MAN1A1: variants seen among roughly 807,000 people sequenced by gnomAD.
MAN1A1 encodes mannosyl-oligosaccharide 1,2-alpha-mannosidase IA.
A neutral mutation model predicts 70.8 loss-of-function variants in MAN1A1; 29 were observed. The observed-to-expected ratio is 0.41, with a 90% CI of 0.31 to 0.56. The LOEUF (loss-of-function observed/expected upper bound fraction) is 0.56, where lower values mean the gene tolerates loss of function less well. MAN1A1 is among the 20% of genes least tolerant of loss of function. The pLI is 0.29. For missense variants in MAN1A1, 747 were observed against 841.3 expected, an observed-to-expected ratio of 0.89 and a Z score of 1.39; for synonymous variants, 349 against 330.1, an observed-to-expected ratio of 1.06 and a Z score of -0.62.
intron 2 of MAN1A1, among the ~76,000 whole-genome samples, chr6:119,326,099 C>T (rs948677615): frequency 6.6e-6 from 1 of 152,190 alleles, no homozygotes; most frequent in African/African-American, 2.4e-5. Flanking sequence ...GCTGAAAGAA[C>T]ACTCAGGGGC....
intron 5 of MAN1A1, among the ~76,000 whole-genome samples, chr6:119,268,679 C>T (rs759147043): frequency 8.6e-5 from 13 of 151,982 alleles, no homozygotes; most frequent in Non-Finnish European, 1.0e-4. Context: ...CTTGACCTCC[C>T]GGGCTTAGGT....
chr6:119,199,150 T>C (rs1773649971), intron 8 of MAN1A1, among the ~76,000 whole-genome samples: 1 of 152,210 alleles, frequency 6.6e-6, no homozygotes, highest in Non-Finnish European at 1.5e-5. Context: ...AATATCATCA[T>C]CAATCTAACA....
intron 7 of MAN1A1, 138 bp downstream of exon 7, chr6:119,204,621 G>T: frequency 9.7e-7 from 1 of 1,033,412 alleles, no homozygotes; most frequent in Non-Finnish European, 1.4e-6. Flanking sequence ...ATGAAATGCT[G>T]CATGTTGCAA....
chr6:119,343,247 T>A (rs1213205197), intron 2 of MAN1A1, among the ~76,000 whole-genome samples: 1 of 152,186 alleles, frequency 6.6e-6, no homozygotes, highest in Non-Finnish European at 1.5e-5. Context: ...TAAGCACGGA[T>A]AATTTATACA....
chr6:119,347,461 G>A (rs1407247082), intron 2 of MAN1A1, among the ~76,000 whole-genome samples: 1 of 152,188 alleles, frequency 6.6e-6, no homozygotes, highest in African/African-American at 2.4e-5. Flanking sequence ...GGAATGACAT[G>A]CTTTTAATGT....
intron 4 of MAN1A1, among the ~76,000 whole-genome samples, chr6:119,295,406 T>A (rs1772180323): frequency 6.6e-6 from 1 of 151,814 alleles, no homozygotes; most frequent in Non-Finnish European, 1.5e-5. Context: ...TCAGCCAGTT[T>A]CCTTTTGCTT....
chr6:119,224,429 G>A (rs117040577), intron 6 of MAN1A1, among the ~76,000 whole-genome samples: 2 of 152,146 alleles, frequency 1.3e-5, no homozygotes, highest in African/African-American at 4.8e-5. Flanking sequence ...AAGATCCCCA[G>A]GGTGCCAGGT....
intron 6 of MAN1A1, among the ~76,000 whole-genome samples, chr6:119,240,497 C>T (rs1049550240): frequency 6.6e-6 from 1 of 151,974 alleles, no homozygotes; most frequent in Admixed American, 6.6e-5. Flanking sequence ...AAATGAGGAC[C>T]GCTACAGCCT....
intron 6 of MAN1A1, among the ~76,000 whole-genome samples, chr6:119,232,393 GA>G (rs1774709147): frequency 1.7e-5 from 2 of 120,332 alleles, no homozygotes; most frequent in African/African-American, 5.9e-5. Flanking sequence ...AAAAAAAAAA[GA>G]AAAACATTGG....
chr6:119,255,416 C>A (rs942033093), intron 5 of MAN1A1, among the ~76,000 whole-genome samples: 4 of 152,158 alleles, frequency 2.6e-5, no homozygotes, highest in African/African-American at 9.7e-5. Context: ...ATAACTAAAC[C>A]CATATACTGT....
At chr6:119,333,095 A>G (rs1010075246) in intron 2 of MAN1A1, among the ~76,000 whole-genome samples, 1 of 152,184 alleles carries the variant, frequency 6.6e-6, no homozygotes, top group Non-Finnish European at 1.5e-5. Flanking sequence ...CTGTCTGCAA[A>G]AATCCCTCAG....
chr6:119,194,011 A>G (rs1773505652), intron 8 of MAN1A1, 119 bp from the exon 9 acceptor site: 1 of 588,044 alleles, frequency 1.7e-6, no homozygotes, highest in African/African-American at 1.9e-5. Flanking sequence ...TGTTACATTT[A>G]AATTCCAACA....
intron 5 of MAN1A1, among the ~76,000 whole-genome samples, chr6:119,250,214 C>T (rs1775279898): frequency 1.3e-5 from 2 of 152,202 alleles, no homozygotes; most frequent in South Asian, 2.1e-4. Flanking sequence ...CTGGTTTCTA[C>T]CCAACTTGTA....
At chr6:119,184,831 A>G (rs1773243696) in intron 11 of MAN1A1, among the ~76,000 whole-genome samples, 1 of 152,186 alleles carries the variant, frequency 6.6e-6, no homozygotes, top group Non-Finnish European at 1.5e-5. Flanking sequence ...ATTCTGATAA[A>G]GCTCATGCTG....
At chr6:119,297,743 T>C (rs1483155987) in intron 4 of MAN1A1, among the ~76,000 whole-genome samples, 1 of 146,094 alleles carries the variant, frequency 6.8e-6, no homozygotes, top group African/African-American at 2.5e-5. Context: ...TCCTTTTTTT[T>C]TTTTTTTTTT....
chr6:119,260,412 T>C (rs1775575220), intron 5 of MAN1A1, among the ~76,000 whole-genome samples: 1 of 152,230 alleles, frequency 6.6e-6, no homozygotes, highest in African/African-American at 2.4e-5. Context: ...GTTTTGATAT[T>C]ACAAACAGCT....
intron 2 of MAN1A1, among the ~76,000 whole-genome samples, chr6:119,326,725 G>T (rs1171968875): frequency 6.6e-6 from 1 of 152,168 alleles, no homozygotes; most frequent in Non-Finnish European, 1.5e-5. Context: ...ATCAGATCTT[G>T]TGAGAACTCA....
intron 2 of MAN1A1, among the ~76,000 whole-genome samples, chr6:119,329,820 G>A (rs985239339): frequency 1.3e-5 from 2 of 152,110 alleles, no homozygotes; most frequent in African/African-American, 4.8e-5. Flanking sequence ...TAGCTCCACT[G>A]CAATACAGCT....
chr6:119,210,911 T>C (rs991472051), intron 6 of MAN1A1: 3 of 456,384 alleles, frequency 6.6e-6, no homozygotes, highest in Non-Finnish European at 8.8e-6. Context: ...TCCATAGCCC[T>C]TGGGATATTG....
Sources: gnomAD v4.1 joint callset for allele counts (sites outside exome capture counted in the v4.1 genomes callset) on GRCh38, gnomAD v4.1.1 for gene constraint, MANE v1.5 for transcripts, NCBI Gene and HGNC (gene_info 2026-07-23, HGNC 2026-07-21) for gene names.